The following TNIK variants were observed in gnomAD, a reference collection of about 807,000 sequenced individuals.
The protein encoded by TNIK is TRAF2 and NCK-interacting protein kinase.
In TNIK, 49 loss-of-function variants were observed where a neutral mutation model predicts 191.3. The observed-to-expected ratio is 0.26, with a 90% CI of 0.20 to 0.32. The LOEUF (loss-of-function observed/expected upper bound fraction) is 0.32, where lower values mean the gene tolerates loss of function less well. Among genes scored for constraint, TNIK ranks in the 10% least tolerant of loss-of-function variants. TNIK has a pLI of 1.00. For synonymous variants in TNIK, 594 were observed against 600.9 expected (o/e 0.99, Z 0.17); for missense variants, 1,155 against 1,702.3 (o/e 0.68, Z 5.66).
intron 1 of TNIK, among the ~76,000 whole-genome samples, chr3:171,384,570 T>C (rs550277689): frequency 3.3e-4 from 50 of 152,322 alleles, no homozygotes; most frequent in African/African-American, 1.0e-3. Context: ...AGGGGAAACA[T>C]AGAAAACATC....
chr3:171,084,123 T>TTA lies in TNIK; in HGVS notation c.3169+31_3169+32insTA, dbSNP rs754048839. The TTA allele has an allele frequency of 6.5e-6, 9 of 1,393,754 alleles. No homozygotes were observed. The African/African-American group carries it at 1.3e-4, about 20-fold the overall frequency. The allele number at this position is 1,393,754 out of a possible 1,614,324, so 86.3% of individuals were successfully genotyped here. On this transcript the variant is annotated intron_variant, in intron 26 of 32. Coordinates refer to ENST00000436636, the MANE Select transcript of TNIK (RefSeq NM_015028.4). ...GTCAGTTCATTAATGAGTGGTTATTTAAAAAAAAAAAAAAAAAAAGCACCA... is the reference window on the plus strand; with the variant it reads ...GTCAGTTCATTAATGAGTGGTTATTTTAAAAAAAAAAAAAAAAAAAAGCACCA...
chr3:171,334,795 G>C (rs1027240425), intron 2 of TNIK, among the ~76,000 whole-genome samples: 2 of 151,992 alleles, frequency 1.3e-5, no homozygotes, highest in African/African-American at 4.8e-5. Flanking sequence ...ATTTCCTTAG[G>C]GAAAAGCAGA....
At chr3:171,447,307 G>GA (rs10649565) in intron 1 of TNIK, among the ~76,000 whole-genome samples, 5,368 of 140,774 alleles carry the variant, frequency 0.038, 267 homozygotes, top group African/African-American at 0.12. Flanking sequence ...TTTTAGGCAA[G>GA]AAAAAAAAAA....
At chr3:171,358,429 G>C (rs146913206) in intron 2 of TNIK, among the ~76,000 whole-genome samples, 24 of 152,212 alleles carry the variant, frequency 1.6e-4, no homozygotes, top group African/African-American at 5.5e-4. Context: ...AAACCATCAG[G>C]TCTCTTGAGA....
At chr3:171,252,100 TCTTTA>T (rs1746300396) in intron 2 of TNIK, among the ~76,000 whole-genome samples, 2 of 152,176 alleles carry the variant, frequency 1.3e-5, no homozygotes, top group South Asian at 2.1e-4. Context: ...GTGTCATATC[TCTTTA>T]CTTAACAGCC....
chr3:171,278,497 T>A (rs554651835), intron 2 of TNIK, among the ~76,000 whole-genome samples: 2 of 152,202 alleles, frequency 1.3e-5, no homozygotes, highest in East Asian at 3.9e-4. Flanking sequence ...ATAAAAAAAA[T>A]TTAAAAACAT....
chr3:171,335,184 A>G (rs1221085545), intron 2 of TNIK, among the ~76,000 whole-genome samples: 1 of 152,230 alleles, frequency 6.6e-6, no homozygotes, highest in African/African-American at 2.4e-5. Context: ...GGATAAGCAC[A>G]GTGCCTGGTA....
rs558373236 is a variant in TNIK, at chr3:171,408,845, G to A, written c.58-39160C>T. On this transcript the variant is annotated intron_variant, in intron 1 of 32. Transcript: ENST00000436636. ...CAAACTGACAAAGGATAAAGTATGCGAAAGCTTTAAATCGCTATGCAAATG... is the reference window on the plus strand; with the variant it reads ...CAAACTGACAAAGGATAAAGTATGCAAAAGCTTTAAATCGCTATGCAAATG... Among the ~76,000 whole-genome samples the A allele has an allele frequency of 1.5e-3, 224 of 152,200 alleles. 1 individual carries two copies. Among genetic ancestry groups the A allele is most frequent in the African/African-American group, 5.2e-3 (215 of 41,528 alleles).
intron 1 of TNIK, among the ~76,000 whole-genome samples, chr3:171,449,291 T>C (rs1446451247): frequency 1.3e-5 from 2 of 152,128 alleles, no homozygotes; most frequent in African/African-American, 2.4e-5. Flanking sequence ...TTGGGTCAAA[T>C]GGTATTTCTG....
intron 18 of TNIK, among the ~76,000 whole-genome samples, chr3:171,116,325 T>C (rs949652123): frequency 2.0e-5 from 3 of 152,230 alleles, no homozygotes; most frequent in African/African-American, 7.2e-5. Context: ...ACTGAGCCTA[T>C]TCAGATCCGA....
rs561160654 is a variant in TNIK at position 171,147,657 on chromosome 3, T to C, written c.1222-7148A>G. On this transcript the variant is annotated intron_variant, in intron 12 of 32. Transcript: ENST00000436636. ...ATATGCATAATGAAGAACACTTACG[T>C]AGTGCAGCCTATGATGCCAAGCACT... Among the ~76,000 whole-genome samples the C allele has an allele frequency of 3.3e-5, 5 of 152,318 alleles. No homozygotes were observed. The South Asian group carries it at 6.2e-4, about 19-fold the overall frequency.
chr3:171,213,245 T>C (rs1400746234), intron 3 of TNIK, among the ~76,000 whole-genome samples: 2 of 151,956 alleles, frequency 1.3e-5, no homozygotes, highest in African/African-American at 2.4e-5. Flanking sequence ...GGCCAAATAA[T>C]TGTGGACGAA....
At chr3:171,174,180 C>T (rs1439361964) in intron 9 of TNIK, among the ~76,000 whole-genome samples, 1 of 152,164 alleles carries the variant, frequency 6.6e-6, no homozygotes, top group Non-Finnish European at 1.5e-5. Context: ...CTCTGTTCCA[C>T]CAGGGTGGCT....
At chr3:171,087,557 C>T in intron 23 of TNIK, 51 bp from the exon 24 acceptor site, 1 of 1,594,692 alleles carries the variant, frequency 6.3e-7, no homozygotes, top group Non-Finnish European at 8.6e-7. Context: ...AAAAAGGCCA[C>T]AGAGTGACAT....
intron 2 of TNIK, among the ~76,000 whole-genome samples, chr3:171,320,348 A>T (rs1416011148): frequency 1.3e-5 from 2 of 152,208 alleles, no homozygotes; most frequent in Non-Finnish European, 2.9e-5. Context: ...GGGCTTCACT[A>T]AAATGGTCTA....
intron 12 of TNIK, among the ~76,000 whole-genome samples, chr3:171,151,822 C>T (rs1375811710): frequency 1.3e-5 from 2 of 152,166 alleles, no homozygotes; most frequent in African/African-American, 4.8e-5. Context: ...TTGCAGCTTC[C>T]CCACCACCTC....
intron 12 of TNIK, among the ~76,000 whole-genome samples, chr3:171,142,645 G>C (rs1268263105): frequency 6.6e-6 from 1 of 152,202 alleles, no homozygotes; most frequent in East Asian, 1.9e-4. Context: ...AGACATGCAA[G>C]TATTTGTTTT....
chr3:171,128,914 C>G (rs1224032374), intron 15 of TNIK, 36 bp from the exon 16 acceptor site: 11 of 1,340,238 alleles, frequency 8.2e-6, no homozygotes, highest in Non-Finnish European at 1.1e-5. Context: ...AAAAGACAGC[C>G]TCAATGTATA....
chr3:171,146,807 T>C (rs1452039626), intron 12 of TNIK, among the ~76,000 whole-genome samples: 1 of 151,690 alleles, frequency 6.6e-6, no homozygotes, highest in Non-Finnish European at 1.5e-5. Flanking sequence ...GGAGAATTGC[T>C]TGAACCCAGG....
Sources: gnomAD v4.1 joint callset for allele counts (sites outside exome capture counted in the v4.1 genomes callset) on GRCh38, gnomAD v4.1.1 for gene constraint, MANE v1.5 for transcripts, NCBI Gene and HGNC (gene_info 2026-07-23, HGNC 2026-07-21) for gene names.